Variants in NEMF observed in about 807,000 individuals in gnomAD.
NEMF encodes the protein nuclear export mediator factor.
NEMF carries 89 observed loss-of-function variants against 162.2 expected under a neutral mutation model. The observed-to-expected ratio is 0.55, with a 90% CI of 0.46 to 0.65. NEMF has a LOEUF of 0.65. Among genes scored for constraint, NEMF ranks in the 30% least tolerant of loss-of-function variants. The pLI is 0.00. For missense variants in NEMF, 1,133 were observed against 1,261.9 expected (o/e 0.90, Z 1.55); for synonymous variants, 421 against 404.5 (o/e 1.04, Z -0.49).
chr14:49,835,452 G>A (rs1041713471), intron 6 of NEMF, among the ~76,000 whole-genome samples: 4 of 152,086 alleles, frequency 2.6e-5, no homozygotes, highest in Non-Finnish European at 4.4e-5. Context: ...AAAAGCATTT[G>A]ACAAAATTCA....
At position 49,782,887 on chromosome 14, in the gene NEMF, C is replaced by T. The variant is rs780620820; in HGVS notation, c.*1749G>A. On this transcript the variant is annotated 3_prime_UTR_variant, in exon 33 of 33. Coordinates refer to ENST00000298310, the MANE Select transcript of NEMF (RefSeq NM_004713.6). Reference sequence around the variant, plus strand: ...AAATGTTAGCCAACTCATGGAACTGCCTTCCAAAACACTTACTTCACAGTG... The same window carrying T: ...AAATGTTAGCCAACTCATGGAACTGTCTTCCAAAACACTTACTTCACAGTG... The T allele has an allele frequency of 1.2e-6, 2 of 1,613,400 alleles. No individual in the cohort carries two copies. The highest frequency in any genetic ancestry group is 4.5e-5 in the East Asian group (2 of 44,842).
chr14:49,850,502 G>A (rs973894420), intron 3 of NEMF, among the ~76,000 whole-genome samples: 4 of 152,098 alleles, frequency 2.6e-5, no homozygotes, highest in African/African-American at 4.8e-5. Flanking sequence ...AACTTTTCCA[G>A]GTTATAAAAT....
At chr14:49,845,128 C>T (rs562925608) in intron 4 of NEMF, among the ~76,000 whole-genome samples, 7 of 148,422 alleles carry the variant, frequency 4.7e-5, no homozygotes, top group Non-Finnish European at 7.4e-5. Flanking sequence ...AGTCTTGCTC[C>T]GTTGCCCAGG....
chr14:49,808,558 C>T (rs1321489056), intron 18 of NEMF, among the ~76,000 whole-genome samples: 1 of 152,072 alleles, frequency 6.6e-6, no homozygotes, highest in East Asian at 1.9e-4. Context: ...TAAGAAATTA[C>T]TGCATGATAC....
At chr14:49,830,382 G>A (rs983440611) in intron 11 of NEMF, among the ~76,000 whole-genome samples, 1 of 152,082 alleles carries the variant, frequency 6.6e-6, no homozygotes, top group Non-Finnish European at 1.5e-5. Context: ...AGTGGTACAG[G>A]GATTCAAACA....
chr14:49,786,696 G>C, intron 29 of NEMF, 22 bp downstream of exon 29: 1 of 1,596,322 alleles, frequency 6.3e-7, no homozygotes. Flanking sequence ...GTTGTAGTAG[G>C]AACCCCAACA....
In NEMF at chr14:49,832,040, G is replaced by T. The variant is rs187587393; in HGVS notation, c.882+11C>A. ...TAACTAACTGGTAAAGGAACAGAAC[G>T]GAAAACCCACCTTGTCAAATGATTC... On this transcript the variant is annotated intron_variant, in intron 10 of 32. Transcript: ENST00000298310. 1.3e-5 allele frequency: 21 copies of T among 1,582,298 alleles called. No individual in the cohort carries two copies.
chr14:49,807,905 G>T (rs1196715587), intron 18 of NEMF, among the ~76,000 whole-genome samples: 6 of 151,752 alleles, frequency 4.0e-5, no homozygotes, highest in African/African-American at 1.2e-4. Flanking sequence ...CGCCTGACTG[G>T]TATCTTGTGA....
chr14:49,834,915 T>C (rs762180249), intron 6 of NEMF, among the ~76,000 whole-genome samples: 2 of 152,256 alleles, frequency 1.3e-5, no homozygotes, highest in Non-Finnish European at 2.9e-5. Flanking sequence ...TTCTAGTTCT[T>C]AGACTGGGTG....
At chr14:49,806,296 C>G (rs1206033016) in intron 18 of NEMF, among the ~76,000 whole-genome samples, 163 bp from the exon 19 acceptor site, 2 of 82,874 alleles carry the variant, frequency 2.4e-5, no homozygotes, top group African/African-American at 9.4e-5. Flanking sequence ...GAGTTTCGCT[C>G]TGTTGTTCTG....
chr14:49,831,714 G>C (rs1249723505), intron 10 of NEMF, among the ~76,000 whole-genome samples: 2 of 152,076 alleles, frequency 1.3e-5, no homozygotes, highest in African/African-American at 4.8e-5. Flanking sequence ...TGAGATTATA[G>C]GCATGAGCCA....
intron 18 of NEMF, among the ~76,000 whole-genome samples, chr14:49,807,844 T>A (rs1305163209): frequency 1.3e-5 from 2 of 152,030 alleles, no homozygotes; most frequent in Non-Finnish European, 2.9e-5. Context: ...CCTCAAGTGA[T>A]TTACCTGCCT....
chr14:49,797,554 G>C (rs2139847201), intron 25 of NEMF: 1 of 152,258 alleles, frequency 6.6e-6, no homozygotes, highest in Admixed American at 6.5e-5. Context: ...AGAATAGCAT[G>C]AATCTGGGAG....
rs963190388 is a variant in NEMF, at chr14:49,784,383, G to A, written c.*253C>T. On this transcript the variant is annotated 3_prime_UTR_variant, in exon 33 of 33. Coordinates refer to ENST00000298310, the MANE Select transcript of NEMF (RefSeq NM_004713.6). ...TTAACCTCCCAAATTTCAAGAAAAT[G>A]TAGAATAACTACAGATGTATATTAA... 1.1e-4 allele frequency: 37 copies of A among 336,358 alleles called. No homozygotes were observed. The highest frequency in any genetic ancestry group is 1.8e-4 in the Non-Finnish European group (34 of 185,924). 20.8% of individuals were successfully genotyped at this position (336,358 alleles called of 1,614,324 possible).
At position 49,851,551 on chromosome 14, in the gene NEMF, T is replaced by TA; in HGVS notation, c.231+11dup. 1 of 1,584,418 alleles carries TA rather than the reference T, an allele frequency of 6.3e-7. No individual in the cohort carries two copies. The highest frequency in any genetic ancestry group is 8.7e-7 in the Non-Finnish European group (1 of 1,154,386). ...ATCTCTTAAAATTTAGCTTCAAGCG[T>TA]AACAAGTTTACCTTCATGGCAAAAC... On this transcript the variant is annotated intron_variant, in intron 3 of 32. Transcript: ENST00000298310.
At chr14:49,835,752 A>G (rs1190447428) in intron 6 of NEMF, among the ~76,000 whole-genome samples, 3 of 152,222 alleles carry the variant, frequency 2.0e-5, no homozygotes, top group Non-Finnish European at 4.4e-5. Context: ...CCTGTACCTT[A>G]AAAAATCCTA....
chr14:49,833,312 C>A, intron 8 of NEMF, 111 bp downstream of exon 8: 1 of 579,472 alleles, frequency 1.7e-6, no homozygotes. Context: ...TTACAGATAA[C>A]AATTTTCCAA....
chr14:49,787,509 G>A (rs962500178), intron 28 of NEMF, among the ~76,000 whole-genome samples: 2 of 152,072 alleles, frequency 1.3e-5, no homozygotes, highest in African/African-American at 4.8e-5. Context: ...AACACAGGGA[G>A]ACCTCATCTT....
chr14:49,791,174 A>C (rs1890428169), intron 26 of NEMF, among the ~76,000 whole-genome samples: 1 of 151,304 alleles, frequency 6.6e-6, no homozygotes, highest in Non-Finnish European at 1.5e-5. Context: ...GTCTGTACTA[A>C]AAATACAAAA....
Sources: allele counts gnomAD v4.1 joint callset (sites outside exome capture counted in the v4.1 genomes callset), GRCh38; gene constraint gnomAD v4.1.1; transcripts MANE v1.5; gene names NCBI Gene and HGNC (gene_info 2026-07-23, HGNC 2026-07-21).